Variants in TXLNB observed in about 807,000 individuals in gnomAD.
TXLNB encodes beta-taxilin.
A neutral mutation model predicts 57.4 loss-of-function variants in TXLNB; 37 were observed. The ratio of observed to expected loss-of-function variants is 0.64; its 90% CI spans 0.50 to 0.85. The LOEUF (loss-of-function observed/expected upper bound fraction) is 0.85. Ranked by LOEUF, TXLNB falls within the 40% of genes least tolerant of loss-of-function variation. The probability of loss-of-function intolerance (pLI) is 0.00; values close to 1 mark genes in which losing one functional copy is unlikely to be tolerated. For synonymous variants in TXLNB, 302 were observed against 309.6 expected (o/e 0.98, Z 0.26); for missense variants, 848 against 825.6 (o/e 1.03, Z -0.33).
At chr6:139,196,609 C>CA in the TXLNB span, among the ~76,000 whole-genome samples, 91,180 of 151,270 alleles carry the variant, frequency 0.6, 28,608 homozygotes, top group Non-Finnish European at 0.64. Flanking sequence ...CTCCTGACTT[C>CA]GGCGATCCAC....
the TXLNB span, among the ~76,000 whole-genome samples, chr6:139,226,488 G>A: frequency 6.6e-6 from 1 of 151,996 alleles, no homozygotes; most frequent in Non-Finnish European, 1.5e-5. Flanking sequence ...TTTAATCAAA[G>A]TATATTAAGA....
chr6:139,273,102 G>C (rs557968270), intron 3 of TXLNB, among the ~76,000 whole-genome samples: 2 of 152,204 alleles, frequency 1.3e-5, no homozygotes, highest in Non-Finnish European at 2.9e-5. Flanking sequence ...TTCTGGCGTA[G>C]ACTTTACCTT....
At chr6:139,253,104 A>T (rs1367124997) in intron 7 of TXLNB, among the ~76,000 whole-genome samples, 1 of 152,216 alleles carries the variant, frequency 6.6e-6, no homozygotes, top group Non-Finnish European at 1.5e-5. Flanking sequence ...ACTAATTAAT[A>T]GTCAAGCAGA....
intron 5 of TXLNB, among the ~76,000 whole-genome samples, chr6:139,262,067 C>T (rs1275944461): frequency 6.7e-6 from 1 of 149,922 alleles, no homozygotes; most frequent in African/African-American, 2.5e-5. Context: ...CCACGCCTGG[C>T]TAATTTTTTT....
intron 7 of TXLNB, among the ~76,000 whole-genome samples, chr6:139,250,607 C>T (rs1311965354): frequency 6.6e-6 from 1 of 152,086 alleles, no homozygotes; most frequent in Non-Finnish European, 1.5e-5. Context: ...CTTTTGTTAA[C>T]TTTTTTCCTT....
At chr6:139,177,048 C>G in the TXLNB span, 1 of 869,078 alleles carries the variant, frequency 1.2e-6, no homozygotes, top group Non-Finnish European at 2.0e-6. The surrounding 1 kb of genome is among the most constrained non-coding windows in gnomAD (Gnocchi z 4.9). Context: ...ACTGTGGGAA[C>G]CTGGACTACC....
chr6:139,255,354 G>A (rs912119078), intron 7 of TXLNB: 27 of 601,464 alleles, frequency 4.5e-5, no homozygotes, highest in African/African-American at 2.1e-4. Flanking sequence ...GGATGTTGCC[G>A]GCGCAGAACA....
upstream of TXLNB, among the ~76,000 whole-genome samples, chr6:139,294,285 T>G (rs1357684140): frequency 6.6e-6 from 1 of 152,228 alleles, no homozygotes; most frequent in Non-Finnish European, 1.5e-5. Context: ...GGTACTCTTC[T>G]ACAATGTGGT....
rs184754071 is a variant in TXLNB at position 139,291,506 on chromosome 6, G to A, written c.-15+415C>T. ...TTCCATGGCTATTCTTTAAACTCCT[G>A]TTCCACATTTACTTTAAAACAGAAC... is the stretch of plus-strand genomic sequence containing the variant. On this transcript the variant is annotated intron_variant, in intron 1 of 9. Coordinates refer to ENST00000358430, the MANE Select transcript of TXLNB (RefSeq NM_153235.4). Among the ~76,000 whole-genome samples the A allele has an allele frequency of 2.6e-3, 399 of 152,122 alleles. 1 individual carries two copies. The highest frequency in any genetic ancestry group is 4.4e-3 in the South Asian group (21 of 4,822).
chr6:139,316,843 C>T, the TXLNB span, among the ~76,000 whole-genome samples: 2 of 152,024 alleles, frequency 1.3e-5, no homozygotes, highest in African/African-American at 4.8e-5. Context: ...GTAAGTGGCC[C>T]AGGTGAGAGG....
chr6:139,222,833 A>G, the TXLNB span, among the ~76,000 whole-genome samples: 4 of 152,258 alleles, frequency 2.6e-5, no homozygotes, highest in African/African-American at 9.6e-5. Context: ...AACAACAAAA[A>G]CAAAAACTAC....
At chr6:139,236,804 A>C (rs144365919), downstream of TXLNB, among the ~76,000 whole-genome samples, 1 of 152,134 alleles carries the variant, frequency 6.6e-6, no homozygotes, top group African/African-American at 2.4e-5. Flanking sequence ...GGATTTTGCC[A>C]TGTTGCTCAG....
intron 4 of TXLNB, among the ~76,000 whole-genome samples, chr6:139,265,220 G>T (rs1776586176): frequency 6.6e-6 from 1 of 152,172 alleles, no homozygotes; most frequent in African/African-American, 2.4e-5. Flanking sequence ...AAAATTCTGT[G>T]ATATTCTGAC....
At chr6:139,247,439 C>T (rs1419025395) in intron 8 of TXLNB, among the ~76,000 whole-genome samples, 1 of 146,110 alleles carries the variant, frequency 6.8e-6, no homozygotes, top group African/African-American at 2.5e-5. Context: ...CACGTCTGGA[C>T]AAAAGTTTTT....
chr6:139,229,547 T>A, the TXLNB span, among the ~76,000 whole-genome samples: 1 of 152,210 alleles, frequency 6.6e-6, no homozygotes, highest in Non-Finnish European at 1.5e-5. Flanking sequence ...GGTCTCGAAC[T>A]CCTGACCTTA....
At chr6:139,185,270 A>G in the TXLNB span, among the ~76,000 whole-genome samples, 1 of 148,640 alleles carries the variant, frequency 6.7e-6, no homozygotes, top group Non-Finnish European at 1.5e-5. Flanking sequence ...TACTTTTGGC[A>G]GGAGTTACTG....
intron 4 of TXLNB, among the ~76,000 whole-genome samples, chr6:139,264,543 TTTTTGTTTTGTTTTG>T (rs199910457): frequency 1.3e-5 from 2 of 150,558 alleles, no homozygotes; most frequent in Admixed American, 6.6e-5. Context: ...ATATATATAT[TTTTTGTTTTGTTTTG>T]TTTTGTTTTG....
chr6:139,205,866 C>T, the TXLNB span, among the ~76,000 whole-genome samples: 2,738 of 152,250 alleles, frequency 0.018, 89 homozygotes, highest in African/African-American at 0.063. Context: ...CACCAAGGAA[C>T]ATAGTCATCA....
chr6:139,321,256 T>A, the TXLNB span, among the ~76,000 whole-genome samples: 3 of 152,138 alleles, frequency 2.0e-5, no homozygotes, highest in Non-Finnish European at 4.4e-5. Context: ...TGGGGCCTTT[T>A]GGAGGTGAAT....
Sources: gnomAD v4.1 joint callset for allele counts (sites outside exome capture counted in the v4.1 genomes callset) on GRCh38, gnomAD v4.1.1 for gene constraint, Gnocchi (gnomAD v3.1) non-coding constraint, MANE v1.5 for transcripts, NCBI Gene and HGNC (gene_info 2026-07-23, HGNC 2026-07-21) for gene names.